RNF144A: variants seen among roughly 807,000 people sequenced by gnomAD.
The protein encoded by RNF144A is E3 ubiquitin-protein ligase RNF144A.
A neutral mutation model predicts 38.7 loss-of-function variants in RNF144A; 11 were observed. The observed-to-expected ratio is 0.28, with a 90% CI of 0.18 to 0.47. The LOEUF (loss-of-function observed/expected upper bound fraction) is 0.47. Ranked by LOEUF, RNF144A falls within the 20% of genes least tolerant of loss-of-function variation. The pLI is 0.99. For missense variants in RNF144A, 316 were observed against 377.2 expected, an observed-to-expected ratio of 0.84 and a Z score of 1.34; for synonymous variants, 149 against 143.9, an observed-to-expected ratio of 1.04 and a Z score of -0.25.
At chr2:6,968,390 C>G (rs1667801327) in intron 2 of RNF144A, among the ~76,000 whole-genome samples, 1 of 152,226 alleles carries the variant, frequency 6.6e-6, no homozygotes, top group Non-Finnish European at 1.5e-5. Flanking sequence ...CCAGAGCAGG[C>G]AAGGTTAGAA....
rs754511850 is a variant in RNF144A, at chr2:7,043,674, A to T, written c.*3914A>T. 109 of 985,756 alleles carry T rather than the reference A, an allele frequency of 1.1e-4. No individual in the cohort carries two copies. Among genetic ancestry groups the T allele is most frequent in the Non-Finnish European group, 1.3e-4 (104 of 829,940 alleles). 61.1% of individuals were successfully genotyped at this position (985,756 alleles called of 1,614,324 possible). On this transcript the variant is annotated 3_prime_UTR_variant, in exon 9 of 9. Coordinates refer to ENST00000320892, the MANE Select transcript of RNF144A (RefSeq NM_014746.6). ...GGCCTGCGTTAAAACCTAATTGCTAATGCTTCACAACTAGGAGAGCATGCC... is the reference window on the plus strand; with the variant it reads ...GGCCTGCGTTAAAACCTAATTGCTATTGCTTCACAACTAGGAGAGCATGCC...
chr2:6,919,800 C>T (rs974924024), intron 1 of RNF144A, among the ~76,000 whole-genome samples: 2 of 152,132 alleles, frequency 1.3e-5, no homozygotes, highest in African/African-American at 4.8e-5. Context: ...TAAAGAGCTC[C>T]CGATTCTAAT....
chr2:7,003,665 T>G (rs1377857862), intron 3 of RNF144A, among the ~76,000 whole-genome samples: 1 of 152,204 alleles, frequency 6.6e-6, no homozygotes, highest in Non-Finnish European at 1.5e-5. Context: ...AAGGATACAT[T>G]GTTCAGAATG....
At chr2:6,969,881 C>T (rs1259739146) in intron 2 of RNF144A, among the ~76,000 whole-genome samples, 7 of 152,162 alleles carry the variant, frequency 4.6e-5, no homozygotes, top group African/African-American at 1.7e-4. Flanking sequence ...CCTGCCTCAG[C>T]CTCCCCAGCA....
chr2:6,984,590 C>T (rs1325669990), intron 2 of RNF144A, among the ~76,000 whole-genome samples: 1 of 152,258 alleles, frequency 6.6e-6, no homozygotes, highest in Non-Finnish European at 1.5e-5. Flanking sequence ...GCGTGAGCCA[C>T]CGCACTCGGC....
chr2:6,979,291 A>T (rs1256861605), intron 2 of RNF144A, among the ~76,000 whole-genome samples: 2 of 152,074 alleles, frequency 1.3e-5, no homozygotes, highest in African/African-American at 4.8e-5. Flanking sequence ...TGCAGATGAG[A>T]TGAGATATTT....
At position 7,043,755 on chromosome 2, in the gene RNF144A, T is replaced by G. The variant is rs900997916; in HGVS notation, c.*3995T>G. On this transcript the variant is annotated 3_prime_UTR_variant, in exon 9 of 9. Coordinates refer to ENST00000320892, the MANE Select transcript of RNF144A (RefSeq NM_014746.6). ...ACCCTTCCTTTGATTTGTGCAATTCTGTCTTCCACAGTTCCGGAGCCTTCA... is the reference window on the plus strand; with the variant it reads ...ACCCTTCCTTTGATTTGTGCAATTCGGTCTTCCACAGTTCCGGAGCCTTCA... 4 of 985,790 alleles carry G rather than the reference T, an allele frequency of 4.1e-6. No homozygotes were observed. The East Asian group carries it at 4.5e-4, about 112-fold the overall frequency. The allele number at this position is 985,790 out of a possible 1,614,324, so 61.1% of individuals were successfully genotyped here. A position where few individuals can be genotyped will look rare whatever the true frequency, so the allele number is the denominator to read the frequency against.
At chr2:6,957,480 G>C (rs1365611013) in intron 2 of RNF144A, among the ~76,000 whole-genome samples, 1 of 152,220 alleles carries the variant, frequency 6.6e-6, no homozygotes, top group Non-Finnish European at 1.5e-5. Context: ...CGTACTAAGA[G>C]GGAAACTGGT....
chr2:6,974,144 G>T (rs1668162166), intron 2 of RNF144A, among the ~76,000 whole-genome samples: 1 of 152,208 alleles, frequency 6.6e-6, no homozygotes, highest in Non-Finnish European at 1.5e-5. Context: ...GAGGGTGGAA[G>T]TTACAGACTT....
chr2:7,054,743 A>T (rs1673664071), intron 6 of RNF144A, among the ~76,000 whole-genome samples: 1 of 152,170 alleles, frequency 6.6e-6, no homozygotes, highest in Non-Finnish European at 1.5e-5. Flanking sequence ...TCCTCACCAG[A>T]ACCACACCTG....
At chr2:7,012,321 AT>A (rs1197948465) in intron 3 of RNF144A, among the ~76,000 whole-genome samples, 14 of 152,198 alleles carry the variant, frequency 9.2e-5, no homozygotes, top group African/African-American at 3.4e-4. Context: ...GCTTTCATAG[AT>A]TACTGTCACA....
chr2:6,929,091 T>TA (rs958164380), intron 1 of RNF144A, among the ~76,000 whole-genome samples: 4 of 152,020 alleles, frequency 2.6e-5, no homozygotes, highest in African/African-American at 7.2e-5. Flanking sequence ...TCTAGAGTAT[T>TA]AAAAAAAATA....
intron 6 of RNF144A, among the ~76,000 whole-genome samples, chr2:7,021,453 C>G (rs1186444038): frequency 4.6e-5 from 7 of 152,096 alleles, no homozygotes; most frequent in Non-Finnish European, 1.5e-5. Flanking sequence ...TGTTCTAGCC[C>G]CCGACCCTCT....
chr2:7,052,162 C>T (rs981162966), intron 6 of RNF144A, among the ~76,000 whole-genome samples: 1 of 152,174 alleles, frequency 6.6e-6, no homozygotes, highest in Non-Finnish European at 1.5e-5. Flanking sequence ...CTTGGCATCA[C>T]CTCACCTTGA....
chr2:6,939,323 C>T (rs147962654), intron 1 of RNF144A, among the ~76,000 whole-genome samples: 1 of 152,212 alleles, frequency 6.6e-6, no homozygotes, highest in Admixed American at 6.5e-5. Context: ...TTTGCATTTC[C>T]CTAATTGGTT....
At chr2:7,027,691 C>G (rs1672001292) in intron 7 of RNF144A, among the ~76,000 whole-genome samples, 1 of 152,184 alleles carries the variant, frequency 6.6e-6, no homozygotes, top group Non-Finnish European at 1.5e-5. Flanking sequence ...TTGTTTCATC[C>G]CACCCCGGAG....
At chr2:6,928,010 G>C (rs146828271) in intron 1 of RNF144A, among the ~76,000 whole-genome samples, 1 of 152,240 alleles carries the variant, frequency 6.6e-6, no homozygotes, top group Non-Finnish European at 1.5e-5. Flanking sequence ...CCTGCATCTG[G>C]GGGCCTGGTT....
intron 6 of RNF144A, among the ~76,000 whole-genome samples, chr2:7,065,621 A>G (rs1295418403): frequency 6.6e-6 from 1 of 152,250 alleles, no homozygotes; most frequent in Non-Finnish European, 1.5e-5. Context: ...ATGAAAATGC[A>G]TGTCACAGAA....
At chr2:6,937,792 G>A (rs1300134024) in intron 1 of RNF144A, among the ~76,000 whole-genome samples, 2 of 152,204 alleles carry the variant, frequency 1.3e-5, no homozygotes, top group African/African-American at 4.8e-5. Context: ...GGAGACATTG[G>A]CATTAAAGGC....
Sources: allele counts gnomAD v4.1 joint callset (sites outside exome capture counted in the v4.1 genomes callset), GRCh38; gene constraint gnomAD v4.1.1; transcripts MANE v1.5; gene names NCBI Gene and HGNC (gene_info 2026-07-23, HGNC 2026-07-21).